LIMD1: variants seen among roughly 807,000 people sequenced by gnomAD.
The protein encoded by LIMD1 is LIM domain-containing protein 1.
A neutral mutation model predicts 58.4 loss-of-function variants in LIMD1; 23 were observed. The observed-to-expected ratio is 0.39, with a 90% CI of 0.28 to 0.56. The LOEUF (loss-of-function observed/expected upper bound fraction) is 0.56, where lower values mean the gene tolerates loss of function less well. Ranked by LOEUF, LIMD1 falls within the 20% of genes least tolerant of loss-of-function variation. The pLI, the probability that LIMD1 is intolerant of heterozygous loss-of-function variation, is 0.57. For synonymous variants in LIMD1, 334 were observed against 345.5 expected, an observed-to-expected ratio of 0.97 and a Z score of 0.37; for missense variants, 838 against 855.5, an observed-to-expected ratio of 0.98 and a Z score of 0.25.
chr3:45,639,654 G>C (rs1020579978), intron 2 of LIMD1, among the ~76,000 whole-genome samples: 1 of 152,048 alleles, frequency 6.6e-6, no homozygotes, highest in Non-Finnish European at 1.5e-5. Flanking sequence ...CGTCACCTTG[G>C]AGGTTAGGAT....
intron 1 of LIMD1, among the ~76,000 whole-genome samples, chr3:45,597,904 C>A (rs1206842816): frequency 6.6e-6 from 1 of 152,316 alleles, no homozygotes; most frequent in East Asian, 1.9e-4. Context: ...GGAGCCAGTT[C>A]TCACCCCATA....
intron 3 of LIMD1, among the ~76,000 whole-genome samples, chr3:45,666,802 G>T (rs751411656): frequency 2.6e-5 from 4 of 152,180 alleles, no homozygotes; most frequent in Non-Finnish European, 4.4e-5. Flanking sequence ...CATGCAGACT[G>T]GGTGCTTGGT....
intron 1 of LIMD1, among the ~76,000 whole-genome samples, chr3:45,621,429 AG>A (rs1429977236): frequency 2.0e-5 from 3 of 152,166 alleles, no homozygotes; most frequent in Admixed American, 6.5e-5. Context: ...ATGTAGAGAC[AG>A]GGGTCTTACT....
In LIMD1 at chr3:45,683,242, A is replaced by C. The variant is rs1174886768; in HGVS notation, c.*6183A>C. 2.6e-5 allele frequency: 4 copies of C among 152,256 alleles called. No individual in the cohort carries two copies. The highest frequency in any genetic ancestry group is 5.9e-5 in the Non-Finnish European group (4 of 68,064). The allele number at this position is 152,256 out of a possible 1,614,324, so 9.4% of individuals were successfully genotyped here. ...GGTGAGGAGGACAGGGACATCTCTGAAGGGGAGGGAAGCAGGAGATAGGGT... is the reference window on the plus strand; with the variant it reads ...GGTGAGGAGGACAGGGACATCTCTGCAGGGGAGGGAAGCAGGAGATAGGGT... On this transcript the variant is annotated 3_prime_UTR_variant, in exon 8 of 8. Transcript: ENST00000273317.
intron 7 of LIMD1, among the ~76,000 whole-genome samples, chr3:45,675,611 A>G (rs1326933026): frequency 1.4e-5 from 2 of 147,328 alleles, no homozygotes; most frequent in Non-Finnish European, 3.1e-5. Flanking sequence ...AAAACGTTAA[A>G]GAATTATGAG....
At chr3:45,662,262 C>T (rs370494503) in intron 2 of LIMD1, among the ~76,000 whole-genome samples, 4 of 141,668 alleles carry the variant, frequency 2.8e-5, no homozygotes, top group Non-Finnish European at 4.6e-5. Flanking sequence ...TTTTCGTTTA[C>T]GGTGTTTCAC....
At chr3:45,648,236 C>G (rs1010710004) in intron 2 of LIMD1, among the ~76,000 whole-genome samples, 6 of 152,162 alleles carry the variant, frequency 3.9e-5, no homozygotes, top group Non-Finnish European at 7.4e-5. Context: ...TGGTACTCAT[C>G]ACTTCACCTC....
chr3:45,627,706 CAA>C (rs35897504), intron 1 of LIMD1, among the ~76,000 whole-genome samples: 9 of 97,196 alleles, frequency 9.3e-5, no homozygotes, highest in South Asian at 3.5e-4. Flanking sequence ...CTAAAACAAC[CAA>C]AAAAAAAAAA....
At chr3:45,659,062 T>G (rs945464227) in intron 2 of LIMD1, among the ~76,000 whole-genome samples, 15 of 152,218 alleles carry the variant, frequency 9.9e-5, no homozygotes, top group African/African-American at 3.4e-4. Context: ...TAGAAAAATT[T>G]AATATAGAAA....
In LIMD1 at chr3:45,667,087, A is replaced by G. The variant is rs182007108; in HGVS notation, c.1579-1207A>G. Among the ~76,000 whole-genome samples, 14 of 152,286 alleles carry G rather than the reference A, an allele frequency of 9.2e-5. No individual in the cohort carries two copies. The East Asian group carries it at 2.3e-3, about 25-fold the overall frequency. ...AGTGTTAGCTTCAGTCTCAGGTCCTATGTGATGGCCAGATGTTGGGAGGAC... is the reference window on the plus strand; with the variant it reads ...AGTGTTAGCTTCAGTCTCAGGTCCTGTGTGATGGCCAGATGTTGGGAGGAC... On this transcript the variant is annotated intron_variant, in intron 3 of 7. Transcript: ENST00000273317.
In LIMD1 at chr3:45,672,782, C is replaced by G; in HGVS notation, c.1734C>G (p.Asp578Glu). 6.2e-7 allele frequency: 1 copy of G among 1,614,056 alleles called. No homozygotes were observed. The highest frequency in any genetic ancestry group is 2.2e-5 in the East Asian group (1 of 44,868). The change falls in exon 5 of 8, where the codon GAC becomes GAG. Residue 578 changes from aspartate (D) to glutamate (E), a missense_variant. Around this residue, in one of 3 missense-constraint regions of LIMD1, gnomAD observed 174 missense variants for 197.4 expected, o/e 0.88. Coordinates refer to ENST00000273317, the MANE Select transcript of LIMD1 (RefSeq NM_014240.3). Reference sequence around the variant, plus strand: ...TGGATGGGGTGCCCTTCACCGTGGACTCAGAGAACAAGATCTACTGTGTCC... The same window carrying G: ...TGGATGGGGTGCCCTTCACCGTGGAGTCAGAGAACAAGATCTACTGTGTCC... ...ECLDGVPFTV[D>E]SENKIYCVRD... is the part of the protein sequence containing the mutation.
At position 45,673,747 on chromosome 3, in the gene LIMD1, C is replaced by T; in HGVS notation, c.1824+242C>T. 3 of 540,004 alleles carry T rather than the reference C, an allele frequency of 5.6e-6. No homozygotes were observed. In the South Asian group the frequency reaches 6.8e-5, roughly 12 times the overall value. 33.5% of individuals were successfully genotyped at this position (540,004 alleles called of 1,614,324 possible). ...TGGGCAACATAGCAAGACCTCATCT[C>T]TACAAAAAATTGTTAAAAATTGGCC... On this transcript the variant is annotated intron_variant, in intron 6 of 7. Coordinates refer to ENST00000273317, the MANE Select transcript of LIMD1 (RefSeq NM_014240.3).
intron 2 of LIMD1, among the ~76,000 whole-genome samples, chr3:45,641,783 TACACTGAAGAGGATG>T (rs1701846246): frequency 6.6e-6 from 1 of 152,214 alleles, no homozygotes; most frequent in South Asian, 2.1e-4. Flanking sequence ...CCTTGTCCCA[TACACTGAAGAGGATG>T]ACACTGAAGC....
intron 1 of LIMD1, among the ~76,000 whole-genome samples, chr3:45,608,711 A>C (rs1379135880): frequency 6.6e-6 from 1 of 151,946 alleles, no homozygotes; most frequent in East Asian, 1.9e-4. Flanking sequence ...GTGGTGGCGC[A>C]TGCCTGTAGT....
At chr3:45,598,496 C>A (rs1335467681) in intron 1 of LIMD1, among the ~76,000 whole-genome samples, 8 of 152,218 alleles carry the variant, frequency 5.3e-5, no homozygotes, top group Admixed American at 5.2e-4. Context: ...ATCCATTCAG[C>A]ATATATTAAA....
chr3:45,624,465 T>G (rs1701651777), intron 1 of LIMD1, among the ~76,000 whole-genome samples: 1 of 152,114 alleles, frequency 6.6e-6, no homozygotes, highest in Admixed American at 6.5e-5. Context: ...CCCAGCACTT[T>G]GGGAGGCCGA....
At position 45,596,017 on chromosome 3, in the gene LIMD1, G is replaced by A. The variant is rs1482838452; in HGVS notation, c.1138G>A (p.Gly380Ser). The A allele has an allele frequency of 6.2e-7, 1 of 1,614,108 alleles. No homozygotes were observed. The highest frequency in any genetic ancestry group is 8.5e-7 in the Non-Finnish European group (1 of 1,180,056). Residue 380 changes from glycine (G) to serine (S), a missense_variant, in exon 1 of 8, where the codon GGT becomes AGT. Around this residue, in one of 3 missense-constraint regions of LIMD1, gnomAD observed 659 missense variants for 639.8 expected, o/e 1.03. Transcript: ENST00000273317. ...PKPGCTDLGT[G>S]PKLSPTSLVH... ...GCCTGGCTGCACAGACCTTGGCACTGGTCCCAAGCTCAGCCCCACCAGTCT... is the reference window on the plus strand; with the variant it reads ...GCCTGGCTGCACAGACCTTGGCACTAGTCCCAAGCTCAGCCCCACCAGTCT...
chr3:45,658,762 T>C (rs986410465), intron 2 of LIMD1, among the ~76,000 whole-genome samples: 1 of 151,582 alleles, frequency 6.6e-6, no homozygotes, highest in Non-Finnish European at 1.5e-5. Flanking sequence ...TCCATGTTGG[T>C]CAGACTGGTC....
intron 4 of LIMD1, 26 bp downstream of exon 4, chr3:45,668,382 A>C (rs1697545138): frequency 6.4e-7 from 1 of 1,571,818 alleles, no homozygotes; most frequent in Non-Finnish European, 8.7e-7. Context: ...AAAGAAGAGA[A>C]CAGCATCTCA....
Sources: gnomAD v4.1 joint callset for allele counts (sites outside exome capture counted in the v4.1 genomes callset) on GRCh38, gnomAD v4.1.1 for gene constraint, gnomAD v4.1.1 regional missense constraint, MANE v1.5 for transcripts, NCBI Gene and HGNC (gene_info 2026-07-23, HGNC 2026-07-21) for gene names.